Variants in CSMD3 observed in about 807,000 individuals in gnomAD.
CSMD3 encodes the protein CUB and Sushi multiple domains 3.
CSMD3 carries 177 observed loss-of-function variants against 435.2 expected under a neutral mutation model. The ratio of observed to expected loss-of-function variants is 0.41; its 90% CI spans 0.36 to 0.46. CSMD3 has a LOEUF of 0.46. Ranked by LOEUF, CSMD3 falls within the 20% of genes least tolerant of loss-of-function variation. The pLI, the probability that CSMD3 is intolerant of heterozygous loss-of-function variation, is 0.34. For missense variants in CSMD3, 4,265 were observed against 4,504.6 expected (o/e 0.95, Z 1.52); for synonymous variants, 1,656 against 1,520.5 (o/e 1.09, Z -2.07).
At chr8:112,659,235 A>C (rs2075324100) in intron 17 of CSMD3, among the ~76,000 whole-genome samples, 1 of 152,218 alleles carries the variant, frequency 6.6e-6, no homozygotes, top group Non-Finnish European at 1.5e-5. Flanking sequence ...CTATAAAAAT[A>C]CATTCTAATA....
intron 6 of CSMD3, among the ~76,000 whole-genome samples, chr8:112,997,375 A>C (rs1001961241): frequency 4.0e-5 from 6 of 151,638 alleles, no homozygotes; most frequent in Non-Finnish European, 7.4e-5. Flanking sequence ...CATCTCACTC[A>C]ATCCAATTTA....
chr8:112,584,976 C>T (rs150531583), intron 23 of CSMD3, among the ~76,000 whole-genome samples: 1,713 of 151,562 alleles, frequency 0.011, 30 homozygotes, highest in African/African-American at 0.038. Flanking sequence ...GAGGGTTCAT[C>T]TTTCTGCTTG....
chr8:112,378,320 G>A (rs536599792), intron 38 of CSMD3, among the ~76,000 whole-genome samples: 97 of 151,314 alleles, frequency 6.4e-4, no homozygotes, highest in African/African-American at 2.1e-3. Context: ...TCTCACTGCC[G>A]GATATATCCA....
At chr8:113,197,638 C>T (rs1588256361) in intron 3 of CSMD3, among the ~76,000 whole-genome samples, 1 of 151,216 alleles carries the variant, frequency 6.6e-6, no homozygotes, top group African/African-American at 2.4e-5. Flanking sequence ...CATTATTATG[C>T]CATGCAGAGA....
intron 5 of CSMD3, among the ~76,000 whole-genome samples, chr8:113,044,708 A>G (rs2131301408): frequency 6.7e-6 from 1 of 149,302 alleles, no homozygotes; most frequent in South Asian, 2.1e-4. Flanking sequence ...ATGTTACCAA[A>G]GTTTAAAAAC....
intron 45 of CSMD3, among the ~76,000 whole-genome samples, chr8:112,320,925 C>A (rs1822942287): frequency 6.6e-6 from 1 of 152,062 alleles, no homozygotes; most frequent in African/African-American, 2.4e-5. Flanking sequence ...TATGATATCA[C>A]TTGAACAGTT....
chr8:112,848,306 C>T (rs574267185), intron 11 of CSMD3, among the ~76,000 whole-genome samples: 3 of 152,176 alleles, frequency 2.0e-5, no homozygotes, highest in African/African-American at 7.2e-5. Context: ...ATTTATAAAG[C>T]AGTACAAATA....
At chr8:112,949,210 A>G (rs1193125397) in intron 8 of CSMD3, among the ~76,000 whole-genome samples, 1 of 152,080 alleles carries the variant, frequency 6.6e-6, no homozygotes, top group Non-Finnish European at 1.5e-5. Context: ...CCCAACAGTT[A>G]TAGTTGTGGT....
rs542201311 is a variant in CSMD3 at position 112,537,718 on chromosome 8, T to C, written c.4564+12953A>G. The stretch of plus-strand genomic sequence containing the variant: ...GAGCAGACCAATAACAAGTAATGAG[T>C]TCAAAGTAGTAAAAAAAAAAAGTCC... On this transcript the variant is annotated intron_variant, in intron 27 of 70. Transcript: ENST00000297405. Among the ~76,000 whole-genome samples, 52 of 151,266 alleles carry C rather than the reference T, an allele frequency of 3.4e-4. 1 individual carries two copies. In the South Asian group the frequency reaches 3.8e-3, roughly 11 times the overall value.
intron 58 of CSMD3, among the ~76,000 whole-genome samples, chr8:112,284,317 C>T (rs991559586): frequency 1.3e-5 from 2 of 151,646 alleles, no homozygotes; most frequent in South Asian, 2.1e-4. Flanking sequence ...TCTGAAAATA[C>T]CTTTCATGTT....
chr8:112,604,807 C>T (rs1832664990), intron 22 of CSMD3, among the ~76,000 whole-genome samples: 1 of 152,086 alleles, frequency 6.6e-6, no homozygotes, highest in African/African-American at 2.4e-5. Context: ...AACTAAAGAG[C>T]TTTTGCACAG....
chr8:112,421,022 A>C lies in CSMD3; in HGVS notation c.5396-11990T>G, dbSNP rs970505256. ...AGTTCCATTTACTAAGGGCTCTTTC[A>C]TTGGCAGAATGTACAGCTATTTCAG... On this transcript the variant is annotated intron_variant, in intron 32 of 70. Coordinates refer to ENST00000297405, the MANE Select transcript of CSMD3 (RefSeq NM_198123.2). 2.6e-5 allele frequency among the ~76,000 whole-genome samples: 4 copies of C among 152,242 alleles called. No homozygotes were observed. In the South Asian group the frequency reaches 8.3e-4, roughly 32 times the overall value.
intron 13 of CSMD3, among the ~76,000 whole-genome samples, chr8:112,759,153 G>A (rs1490932428): frequency 2.0e-5 from 3 of 152,082 alleles, no homozygotes; most frequent in Admixed American, 6.5e-5. Flanking sequence ...TAAATTTACA[G>A]CTGAAGAAAT....
intron 12 of CSMD3, among the ~76,000 whole-genome samples, chr8:112,824,925 T>A (rs2132452374): frequency 6.6e-6 from 1 of 152,342 alleles, no homozygotes; most frequent in East Asian, 1.9e-4. Flanking sequence ...ATTCTAACCA[T>A]CTCTTTCCCA....
At chr8:112,636,693 T>A in intron 22 of CSMD3, 124 bp downstream of exon 22, 2 of 850,200 alleles carry the variant, frequency 2.4e-6, no homozygotes, top group East Asian at 5.3e-5. Flanking sequence ...AGAAAAAAAG[T>A]TGAAATAATT....
chr8:112,544,455 AAT>A (rs1826970296), intron 27 of CSMD3, among the ~76,000 whole-genome samples: 1 of 152,174 alleles, frequency 6.6e-6, no homozygotes, highest in African/African-American at 2.4e-5. Flanking sequence ...TACACAAAAT[AAT>A]AGTGTTTCAT....
intron 13 of CSMD3, among the ~76,000 whole-genome samples, chr8:112,736,781 AAATGAATGAACG>A (rs1208759855): frequency 6.6e-6 from 1 of 152,010 alleles, no homozygotes; most frequent in Non-Finnish European, 1.5e-5. Context: ...CCTGATGAAT[AAATGAATGAACG>A]AATGAATGAA....
intron 1 of CSMD3, among the ~76,000 whole-genome samples, chr8:113,320,669 G>A (rs550432427): frequency 3.9e-5 from 6 of 151,946 alleles, no homozygotes; most frequent in Admixed American, 1.3e-4. Flanking sequence ...CATTTGTTAC[G>A]GCTAATCGTT....
At chr8:112,557,181 T>C (rs910386746) in intron 24 of CSMD3, among the ~76,000 whole-genome samples, 1 of 151,870 alleles carries the variant, frequency 6.6e-6, no homozygotes, top group African/African-American at 2.4e-5. Flanking sequence ...TACCCCATGG[T>C]CTATATAATT....
Sources: gnomAD v4.1 joint callset for allele counts (sites outside exome capture counted in the v4.1 genomes callset) on GRCh38, gnomAD v4.1.1 for gene constraint, MANE v1.5 for transcripts, NCBI Gene and HGNC (gene_info 2026-07-23, HGNC 2026-07-21) for gene names.